The following PLCB1 variants were observed in gnomAD, a reference collection of about 807,000 sequenced individuals.
PLCB1 encodes phospholipase C beta 1.
In PLCB1, 46 loss-of-function variants were observed where a neutral mutation model predicts 161.8. The ratio of observed to expected loss-of-function variants is 0.28; its 90% confidence interval spans 0.22 to 0.36. The LOEUF (loss-of-function observed/expected upper bound fraction) is 0.36, where lower values mean the gene tolerates loss of function less well. Ranked by LOEUF, PLCB1 falls within the 10% of genes least tolerant of loss-of-function variation. The pLI is 1.00. For missense variants in PLCB1, 1,016 were observed against 1,472.5 expected (o/e 0.69, Z 5.07); for synonymous variants, 517 against 503.7 (o/e 1.03, Z -0.35).
intron 3 of PLCB1, among the ~76,000 whole-genome samples, chr20:8,557,366 T>G (rs1426745434): frequency 6.6e-6 from 1 of 152,004 alleles, no homozygotes; most frequent in East Asian, 1.9e-4. Context: ...GATTCAGCCT[T>G]CAAAAATAAA....
chr20:8,832,281 T>A (rs575854530), intron 31 of PLCB1, among the ~76,000 whole-genome samples: 135 of 152,292 alleles, frequency 8.9e-4, no homozygotes, highest in African/African-American at 3.2e-3. Flanking sequence ...AATAGAATAG[T>A]TGTTTATACT....
chr20:8,381,901 G>C (rs1201197586), intron 3 of PLCB1, among the ~76,000 whole-genome samples: 1 of 151,810 alleles, frequency 6.6e-6, no homozygotes, highest in Non-Finnish European at 1.5e-5. Flanking sequence ...AAAAGAAGAA[G>C]CTCCTGGATT....
chr20:8,606,628 T>G (rs1014603348), intron 3 of PLCB1, among the ~76,000 whole-genome samples: 42 of 152,220 alleles, frequency 2.8e-4, no homozygotes, highest in Non-Finnish European at 1.2e-4. Context: ...CAATTATATT[T>G]GTAAGTGAGA....
chr20:8,257,847 C>T (rs1600267494), intron 2 of PLCB1, among the ~76,000 whole-genome samples: 2 of 152,118 alleles, frequency 1.3e-5, no homozygotes, highest in South Asian at 2.1e-4. Context: ...AGACACTGTT[C>T]CCAAGTAGCT....
intron 1 of PLCB1, 44 bp from the exon 2 acceptor site, chr20:8,150,250 A>C (rs749420933): frequency 1.2e-6 from 1 of 819,148 alleles, no homozygotes; most frequent in Non-Finnish European, 2.0e-6. Flanking sequence ...AGATTTTTCT[A>C]CAGTGATATA....
At chr20:8,713,146 G>A (rs1172478543) in intron 12 of PLCB1, among the ~76,000 whole-genome samples, 4 of 152,030 alleles carry the variant, frequency 2.6e-5, no homozygotes. Context: ...CCTACCTCTT[G>A]TTCTGTCCAT....
intron 2 of PLCB1, among the ~76,000 whole-genome samples, chr20:8,276,277 T>C (rs1982538478): frequency 1.3e-5 from 2 of 152,236 alleles, no homozygotes; most frequent in Non-Finnish European, 2.9e-5. Context: ...CCATGTTTTA[T>C]TTCCAAATGC....
At chr20:8,367,352 GT>G (rs1263034782) in intron 2 of PLCB1, among the ~76,000 whole-genome samples, 1 of 152,182 alleles carries the variant, frequency 6.6e-6, no homozygotes, top group Non-Finnish European at 1.5e-5. Flanking sequence ...TCACCTGGAG[GT>G]TTATTTGAGA....
At chr20:8,723,461 A>G (rs1001365504) in intron 15 of PLCB1, among the ~76,000 whole-genome samples, 1 of 152,188 alleles carries the variant, frequency 6.6e-6, no homozygotes, top group Non-Finnish European at 1.5e-5. Context: ...GTGAGACAAT[A>G]TTAGATCACT....
intron 2 of PLCB1, among the ~76,000 whole-genome samples, chr20:8,178,112 G>A (rs1387675863): frequency 6.6e-6 from 1 of 152,126 alleles, no homozygotes; most frequent in African/African-American, 2.4e-5. Context: ...GGGCATTTAG[G>A]TTGGTTTCAT....
At chr20:8,770,038 C>T (rs1485706411) in intron 26 of PLCB1, among the ~76,000 whole-genome samples, 1 of 152,038 alleles carries the variant, frequency 6.6e-6, no homozygotes, top group Admixed American at 6.5e-5. Flanking sequence ...CTGCAAGCTC[C>T]GCCTCCCGGG....
chr20:8,442,995 T>G (rs1980635383), intron 3 of PLCB1, among the ~76,000 whole-genome samples: 1 of 151,808 alleles, frequency 6.6e-6, no homozygotes, highest in Admixed American at 6.6e-5. Flanking sequence ...TGTTTTTTTT[T>G]TTGAGATGGA....
At chr20:8,434,458 C>A (rs1379271269) in intron 3 of PLCB1, among the ~76,000 whole-genome samples, 1 of 152,174 alleles carries the variant, frequency 6.6e-6, no homozygotes, top group Non-Finnish European at 1.5e-5. Flanking sequence ...TTATTCACTG[C>A]TTTATTGCTA....
chr20:8,161,011 A>T (rs79673028), intron 2 of PLCB1, among the ~76,000 whole-genome samples: 3,186 of 152,164 alleles, frequency 0.021, 86 homozygotes, highest in African/African-American at 0.07. Flanking sequence ...ATATTCACTA[A>T]TTTACTTTGC....
At chr20:8,808,826 A>G (rs1047177023) in intron 31 of PLCB1, among the ~76,000 whole-genome samples, 7 of 152,240 alleles carry the variant, frequency 4.6e-5, no homozygotes, top group Admixed American at 4.6e-4. Flanking sequence ...ATCTAAGCTC[A>G]TAAGAGTCCA....
Position 8,881,695 on chromosome 20 carries a change from A to G in PLCB1, c.3497A>G (p.Gln1166Arg), listed in dbSNP as rs1600112954. 6.2e-7 allele frequency: 1 copy of G among 1,614,086 alleles called. No homozygotes were observed. The highest frequency in any genetic ancestry group is 8.5e-7 in the Non-Finnish European group (1 of 1,179,994). ...RLPLEILEFV[Q>R]EAMKGKISED... ...CCCCTCGAGATTTTGGAATTCGTGC[A>G]GGAAGCCATGAAAGGAAAGATCAGT... Residue 1166 changes from glutamine to arginine, a missense_variant, in exon 32 of 32, where the codon CAG becomes CGG. Gln to Arg is a conservative substitution (Grantham distance 43, BLOSUM62 1). Transcript: ENST00000338037.
At chr20:8,587,556 G>A (rs929466866) in intron 3 of PLCB1, among the ~76,000 whole-genome samples, 3 of 152,112 alleles carry the variant, frequency 2.0e-5, no homozygotes, top group African/African-American at 4.8e-5. Context: ...GACATCATGA[G>A]TCCTTTGTTT....
Position 8,275,737 on chromosome 20 carries a change from C to T in PLCB1, c.178-95645C>T, listed in dbSNP as rs370594192. Among the ~76,000 whole-genome samples the T allele has an allele frequency of 4.5e-4, 68 of 152,240 alleles. 1 individual carries two copies. Among genetic ancestry groups the T allele is most frequent in the South Asian group, 2.9e-3 (14 of 4,826 alleles). ...TCAGTAAAGGGTTTTAACCTAAGCC[C>T]GGAAAGTTACTGCTATTTCCTTTGC... On this transcript the variant is annotated intron_variant, in intron 2 of 31. Coordinates refer to ENST00000338037, the MANE Select transcript of PLCB1 (RefSeq NM_015192.4).
chr20:8,840,768 A>G (rs1005820301), intron 31 of PLCB1, among the ~76,000 whole-genome samples: 15 of 152,120 alleles, frequency 9.9e-5, no homozygotes, highest in Admixed American at 7.2e-4. Flanking sequence ...TGAGCTACAT[A>G]TTGTACTAAA....
Sources: gnomAD v4.1 joint callset for allele counts (sites outside exome capture counted in the v4.1 genomes callset) on GRCh38, gnomAD v4.1.1 for gene constraint, MANE v1.5 for transcripts, NCBI Gene and HGNC (gene_info 2026-07-23, HGNC 2026-07-21) for gene names.